The following CDH12 variants were observed in gnomAD, a reference collection of about 807,000 sequenced individuals.
CDH12 encodes the protein cadherin-12.
CDH12 carries 41 observed loss-of-function variants against 74.1 expected under a neutral mutation model. The observed-to-expected ratio is 0.55, with a 90% CI of 0.43 to 0.72. The LOEUF is 0.72. Among genes scored for constraint, CDH12 ranks in the 30% least tolerant of loss-of-function variants. The probability of loss-of-function intolerance (pLI) is 0.00; values close to 1 mark genes in which losing one functional copy is unlikely to be tolerated. For synonymous variants in CDH12, 399 were observed against 355.0 expected (o/e 1.12, Z -1.39); for missense variants, 945 against 977.2 (o/e 0.97, Z 0.44).
chr5:22,449,068 A>G (rs537691014), intron 2 of CDH12, among the ~76,000 whole-genome samples: 2 of 151,424 alleles, frequency 1.3e-5, no homozygotes, highest in East Asian at 1.9e-4. Context: ...TCATATATAT[A>G]TATATATAAT....
intron 6 of CDH12, among the ~76,000 whole-genome samples, chr5:21,892,155 G>A (rs977622478): frequency 6.6e-6 from 1 of 152,148 alleles, no homozygotes; most frequent in Non-Finnish European, 1.5e-5. Context: ...TGTATTTGGG[G>A]AGTAAAAGAT....
At chr5:22,635,321 T>TCAAC (rs1372484901) in intron 1 of CDH12, among the ~76,000 whole-genome samples, 1 of 152,108 alleles carries the variant, frequency 6.6e-6, no homozygotes, top group East Asian at 1.9e-4. Flanking sequence ...GACTTCATTC[T>TCAAC]CAACCTAGAT....
chr5:22,818,458 A>G (rs1398670831), intron 1 of CDH12, among the ~76,000 whole-genome samples: 1 of 152,040 alleles, frequency 6.6e-6, no homozygotes, highest in Non-Finnish European at 1.5e-5. Flanking sequence ...CTTATAAAAC[A>G]GTGTGCTTAT....
At chr5:22,295,706 A>G (rs749610566) in intron 3 of CDH12, among the ~76,000 whole-genome samples, 32 of 152,142 alleles carry the variant, frequency 2.1e-4, no homozygotes, top group Non-Finnish European at 4.0e-4. Context: ...GACAATAACT[A>G]AACACTAATG....
chr5:22,357,555 ATAT>A (rs1205159668), intron 3 of CDH12, among the ~76,000 whole-genome samples: 1 of 152,156 alleles, frequency 6.6e-6, no homozygotes, highest in Non-Finnish European at 1.5e-5. Flanking sequence ...ACGTATTAAC[ATAT>A]TAGTCTGTTT....
At chr5:21,952,779 T>C (rs1755923089) in intron 6 of CDH12, among the ~76,000 whole-genome samples, 1 of 151,368 alleles carries the variant, frequency 6.6e-6, no homozygotes, top group Non-Finnish European at 1.5e-5. Context: ...CCCAAATTCC[T>C]ATTTAAAGAA....
chr5:22,436,277 G>A (rs1243608757), intron 2 of CDH12, among the ~76,000 whole-genome samples: 1 of 12,576 alleles, frequency 8.0e-5, no homozygotes, highest in Non-Finnish European at 3.4e-4. Flanking sequence ...TGTGGGGTAG[G>A]GGGAGGGGGG....
chr5:22,161,564 G>A (rs1748352702), intron 4 of CDH12, among the ~76,000 whole-genome samples: 1 of 151,994 alleles, frequency 6.6e-6, no homozygotes, highest in South Asian at 2.1e-4. Context: ...TAAATTGCCA[G>A]ACATGGTTGC....
At chr5:22,707,945 T>C (rs1369216416) in intron 1 of CDH12, among the ~76,000 whole-genome samples, 1 of 152,144 alleles carries the variant, frequency 6.6e-6, no homozygotes, top group Non-Finnish European at 1.5e-5. Context: ...TAAGAGTTTT[T>C]CTTCAGTTTC....
At chr5:22,517,391 G>T (rs191479006) in intron 1 of CDH12, among the ~76,000 whole-genome samples, 4 of 152,028 alleles carry the variant, frequency 2.6e-5, no homozygotes, top group Non-Finnish European at 4.4e-5. Context: ...TCACTTTTAT[G>T]TTTATCACTC....
chr5:22,278,666 A>G (rs1484512707), intron 3 of CDH12, among the ~76,000 whole-genome samples: 1 of 152,170 alleles, frequency 6.6e-6, no homozygotes, highest in Non-Finnish European at 1.5e-5. Flanking sequence ...ATTATTACCC[A>G]ATGATCTCTA....
intron 6 of CDH12, among the ~76,000 whole-genome samples, chr5:21,946,978 T>C (rs2150096230): frequency 6.6e-6 from 1 of 152,288 alleles, no homozygotes; most frequent in Admixed American, 6.5e-5. Context: ...GCTGTTCTCA[T>C]GATAGTGAGT....
chr5:22,482,491 T>C (rs1746422273), intron 2 of CDH12, among the ~76,000 whole-genome samples: 1 of 152,162 alleles, frequency 6.6e-6, no homozygotes, highest in Non-Finnish European at 1.5e-5. Context: ...ACATTCTTGC[T>C]AGCAAATCAA....
chr5:22,797,217 G>A (rs1748274787), intron 1 of CDH12, among the ~76,000 whole-genome samples: 1 of 147,516 alleles, frequency 6.8e-6, no homozygotes, highest in Non-Finnish European at 1.5e-5. Flanking sequence ...GATCCAGAGA[G>A]CTCTCTTGCA....
intron 1 of CDH12, among the ~76,000 whole-genome samples, chr5:22,594,593 A>G (rs112274161): frequency 4.9e-4 from 75 of 152,082 alleles, no homozygotes; most frequent in African/African-American, 1.7e-3. Flanking sequence ...AATTCCTGAC[A>G]TAGAGTATAA....
chr5:22,346,304 A>G (rs1201718736), intron 3 of CDH12, among the ~76,000 whole-genome samples: 3 of 152,086 alleles, frequency 2.0e-5, no homozygotes, highest in African/African-American at 7.2e-5. Context: ...CTTTTGAAAA[A>G]TCCTATCATT....
chr5:22,715,364 G>C (rs1743518828), intron 1 of CDH12, among the ~76,000 whole-genome samples: 2 of 152,176 alleles, frequency 1.3e-5, no homozygotes, highest in Non-Finnish European at 2.9e-5. Flanking sequence ...GGCAGCATCT[G>C]CCTCTTTAAT....
intron 2 of CDH12, among the ~76,000 whole-genome samples, chr5:22,481,725 A>G (rs1325956835): frequency 6.6e-6 from 1 of 152,130 alleles, no homozygotes; most frequent in Non-Finnish European, 1.5e-5. Context: ...ACTTTTAATG[A>G]GTGTAAAGTG....
At chr5:22,820,342 G>T (rs1749628639) in intron 1 of CDH12, among the ~76,000 whole-genome samples, 1 of 152,028 alleles carries the variant, frequency 6.6e-6, no homozygotes, top group South Asian at 2.1e-4. Flanking sequence ...TGTGTTGTGG[G>T]AGGGAACCAG....
Sources: gnomAD v4.1 joint callset for allele counts (sites outside exome capture counted in the v4.1 genomes callset) on GRCh38, gnomAD v4.1.1 for gene constraint, MANE v1.5 for transcripts, NCBI Gene and HGNC (gene_info 2026-07-23, HGNC 2026-07-21) for gene names.